RAB37: variants seen among roughly 807,000 people sequenced by gnomAD.
The protein encoded by RAB37 is RAB37, member RAS oncogene family, also known as ras-related protein Rab-37.
RAB37 carries 29 observed loss-of-function variants against 33.1 expected under a neutral mutation model. That is an observed-to-expected ratio of 0.88 (90% confidence interval 0.65 to 1.20). The LOEUF is 1.20. Among genes scored for constraint, RAB37 ranks in the 50% most tolerant of loss-of-function variants. The pLI is 0.00. For synonymous variants in RAB37, 128 were observed against 119.5 expected, an observed-to-expected ratio of 1.07 and a Z score of -0.47; for missense variants, 299 against 301.1, an observed-to-expected ratio of 0.99 and a Z score of 0.05.
intron 1 of RAB37, among the ~76,000 whole-genome samples, chr17:74,699,213 G>A (rs1207530454): frequency 1.3e-5 from 2 of 152,166 alleles, no homozygotes; most frequent in Non-Finnish European, 2.9e-5. Context: ...CACAGCGCCC[G>A]GCCTTAACAA....
Position 74,729,403 on chromosome 17 carries a change from G to T in RAB37, c.183+37G>T, listed in dbSNP as rs1490193701. On this transcript the variant is annotated intron_variant, in intron 2 of 7. Coordinates refer to the RAB37 transcript ENST00000340415. The surrounding 1 kb of genome is among the most constrained non-coding windows in gnomAD (Gnocchi z 4.2). ...CCGGCACTGCCAGCTCTGGGCCTGGGCTCAGGACCCCAGCGTGTTTCTGTT... is the reference window on the plus strand; with the variant it reads ...CCGGCACTGCCAGCTCTGGGCCTGGTCTCAGGACCCCAGCGTGTTTCTGTT... 1 of 1,443,626 alleles carries T rather than the reference G, an allele frequency of 6.9e-7. No individual in the cohort carries two copies. The highest frequency in any genetic ancestry group is 2.3e-5 in the East Asian group (1 of 44,130). The allele number at this position is 1,443,626 out of a possible 1,614,324, so 89.4% of individuals were successfully genotyped here.
chr17:74,684,281 T>G (rs1420780586), intron 1 of RAB37, among the ~76,000 whole-genome samples: 3 of 151,118 alleles, frequency 2.0e-5, no homozygotes, highest in African/African-American at 7.3e-5. Flanking sequence ...TTTTTTTTTT[T>G]TAGTAAAGAT....
Position 74,729,252 on chromosome 17 carries a change from C to T in RAB37, c.73-4C>T. ...TCAGCTCTCTCTCTATTGTTCCCTT[C>T]CAGACCATCCTGGTGGGTGACAGTG... On this transcript the variant is annotated splice_polypyrimidine_tract_variant and splice_region_variant and intron_variant, in intron 1 of 7. Coordinates refer to the RAB37 transcript ENST00000340415. The surrounding 1 kb of genome is among the most constrained non-coding windows in gnomAD (Gnocchi z 4.2). 6.2e-7 allele frequency: 1 copy of T among 1,611,394 alleles called. No homozygotes were observed. The highest frequency in any genetic ancestry group is 8.5e-7 in the Non-Finnish European group (1 of 1,177,560).
chr17:74,703,125 G>A, intron 1 of RAB37: 1 of 1,613,712 alleles, frequency 6.2e-7, no homozygotes, highest in Non-Finnish European at 8.5e-7. Context: ...GGTAGGCGTG[G>A]TGGGGGCAGG....
Position 74,737,369 on chromosome 17 carries a change from G to A in RAB37, c.93+4G>A, listed in dbSNP as rs1194981065. ...GAGCTACGACCTCACGGGCAAGGTG[G>A]GTGGGCCTCTTCCGTGAGACCCCCG... On this transcript the variant is annotated splice_donor_region_variant and intron_variant, in intron 1 of 8. Transcript: ENST00000392613. 2.6e-6 allele frequency: 4 copies of A among 1,562,044 alleles called. No individual in the cohort carries two copies. Among genetic ancestry groups the A allele is most frequent in the Non-Finnish European group, 2.6e-6 (3 of 1,160,524 alleles).
chr17:74,693,489 A>G (rs951083196), intron 1 of RAB37, among the ~76,000 whole-genome samples: 2 of 152,184 alleles, frequency 1.3e-5, no homozygotes, highest in African/African-American at 4.8e-5. Flanking sequence ...AATGGACTCC[A>G]TGGCAGAGAA....
rs963964775 is a variant in RAB37 at position 74,671,375 on chromosome 17, T to A, written c.-212T>A. 7 of 570,518 alleles carry A rather than the reference T, an allele frequency of 1.2e-5. No homozygotes were observed. In the African/African-American group the frequency reaches 1.3e-4, roughly 11 times the overall value. The allele number at this position is 570,518 out of a possible 1,614,324, so 35.3% of individuals were successfully genotyped here. ...ACGGCGGAGTCGCTGTTCCTGGTGC[T>A]GAAACGCTCAGTCCTGGAAGAACGT... On this transcript the variant is annotated 5_prime_UTR_variant, in exon 1 of 8. Coordinates refer to the RAB37 transcript ENST00000340415. This position sits in a 1 kb window ranked among gnomAD's most constrained non-coding sequence, Gnocchi z 5.0.
rs887434508 is a variant in RAB37, at chr17:74,743,196, G to A, written c.313+1G>A. ...CATGCTTATTACAGAGATGCTCAGG[G>A]TGAGTCCCTCGCACCCTCCAACCCC... is the stretch of plus-strand genomic sequence containing the variant. On this transcript the variant is annotated splice_donor_variant, in intron 4 of 8. Transcript: ENST00000392613. LOFTEE classifies it high-confidence loss of function. 1 of 1,613,884 alleles carries A rather than the reference G, an allele frequency of 6.2e-7. No individual in the cohort carries two copies. The highest frequency in any genetic ancestry group is 8.5e-7 in the Non-Finnish European group (1 of 1,179,882).
chr17:74,708,846 G>A (rs546725710), intron 1 of RAB37, among the ~76,000 whole-genome samples: 296 of 151,028 alleles, frequency 2.0e-3, no homozygotes, highest in African/African-American at 6.5e-3. Flanking sequence ...ACCCGGGGGG[G>A]CGGAGCTTGC....
At chr17:74,713,899 CAAAAAAAAAAA>C (rs55993385) in intron 1 of RAB37, among the ~76,000 whole-genome samples, 14 of 51,206 alleles carry the variant, frequency 2.7e-4, no homozygotes, top group African/African-American at 1.2e-3. Flanking sequence ...TTCATCTCCA[CAAAAAAAAAAA>C]AAAAAAAAAA....
intron 1 of RAB37, chr17:74,698,714 G>C: frequency 9.6e-7 from 1 of 1,043,056 alleles, no homozygotes; most frequent in African/African-American, 1.6e-5. Context: ...TGAGGATGGA[G>C]GGTGGGAGGA....
intron 1 of RAB37, chr17:74,698,502 C>A: frequency 6.2e-7 from 1 of 1,600,054 alleles, no homozygotes. Flanking sequence ...TGGCAAGCGT[C>A]CCCTGCATCC....
chr17:74,718,864 A>C (rs1274840335), intron 1 of RAB37, among the ~76,000 whole-genome samples: 1 of 152,248 alleles, frequency 6.6e-6, no homozygotes. Context: ...ATTTCAGGTT[A>C]CATGAAGGAT....
At chr17:74,732,971 G>A (rs769018327), upstream of RAB37, among the ~76,000 whole-genome samples, 3 of 152,014 alleles carry the variant, frequency 2.0e-5, no homozygotes, top group Non-Finnish European at 4.4e-5. Context: ...TGTCTATTTG[G>A]GGGTATTGTG....
rs184676611 is a variant in RAB37, at chr17:74,701,434, C to T, written c.73-27822C>T. On this transcript the variant is annotated intron_variant, in intron 1 of 7. Coordinates refer to the RAB37 transcript ENST00000340415. ...ATGCTAATCAAAGGCCCTAATCGGG[C>T]ACTTACATAAGGCTTCGATTCATAA... Among the ~76,000 whole-genome samples the T allele has an allele frequency of 4.6e-5, 7 of 152,250 alleles. No homozygotes were observed. In the East Asian group the frequency reaches 9.6e-4, roughly 21 times the overall value.
intron 1 of RAB37, among the ~76,000 whole-genome samples, chr17:74,701,847 C>CA (rs11321122): frequency 0.026 from 2,222 of 86,554 alleles, 34 homozygotes; most frequent in Non-Finnish European, 0.041. Context: ...GAGAATCCGT[C>CA]AAAAAAAAAA....
At chr17:74,733,583 G>A (rs1273098818), upstream of RAB37, among the ~76,000 whole-genome samples, 4 of 61,748 alleles carry the variant, frequency 6.5e-5, no homozygotes, top group Admixed American at 1.9e-4. Flanking sequence ...TGAGGTGTGT[G>A]TGTCTGTGGT....
chr17:74,728,727 T>C (rs914192737), intron 1 of RAB37, among the ~76,000 whole-genome samples: 8 of 151,942 alleles, frequency 5.3e-5, no homozygotes, highest in Non-Finnish European at 8.8e-5. Flanking sequence ...TCTGTGCATA[T>C]ATGTGTACAT....
At chr17:74,719,744 G>C (rs2034214400) in intron 1 of RAB37, among the ~76,000 whole-genome samples, 1 of 152,086 alleles carries the variant, frequency 6.6e-6, no homozygotes, top group Non-Finnish European at 1.5e-5. Flanking sequence ...TCGAACTCCT[G>C]GGCTCAAGTG....
Sources: gnomAD v4.1 joint callset for allele counts (sites outside exome capture counted in the v4.1 genomes callset) on GRCh38, gnomAD v4.1.1 for gene constraint, Gnocchi (gnomAD v3.1) non-coding constraint, MANE v1.5 for transcripts, NCBI Gene and HGNC (gene_info 2026-07-23, HGNC 2026-07-21) for gene names.